ROR2: variants seen among roughly 807,000 people sequenced by gnomAD.
The protein encoded by ROR2 is ROR family WNT receptor 2.
In ROR2, 33 loss-of-function variants were observed where a neutral mutation model predicts 74.9. The ratio of observed to expected loss-of-function variants is 0.44; its 90% confidence interval spans 0.33 to 0.59. ROR2 has a LOEUF of 0.59. Among genes scored for constraint, ROR2 ranks in the 20% least tolerant of loss-of-function variants. ROR2 has a pLI of 0.02. For missense variants in ROR2, 1,216 were observed against 1,313.8 expected, an observed-to-expected ratio of 0.93 and a Z score of 1.15; for synonymous variants, 586 against 558.7, an observed-to-expected ratio of 1.05 and a Z score of -0.69.
chr9:91,950,184 C>G lies in ROR2; in HGVS notation c.-221G>C. 1 of 305,226 alleles carries G rather than the reference C, an allele frequency of 3.3e-6. No homozygotes were observed. The allele number at this position is 305,226 out of a possible 1,614,324, so 18.9% of individuals were successfully genotyped here. On this transcript the variant is annotated 5_prime_UTR_variant, in exon 1 of 9. Transcript: ENST00000375708. ...GGCTGGGGAGGTTCCTTGGCGCGGG[C>G]TGGGGCGTCCCGCCGGCCGCCAGGA...
intron 1 of ROR2, among the ~76,000 whole-genome samples, chr9:91,869,112 C>T (rs575483496): frequency 1.8e-4 from 27 of 152,184 alleles, no homozygotes; most frequent in Non-Finnish European, 3.2e-4. Flanking sequence ...GGCTGGAGTG[C>T]AGTGACACAA....
At chr9:91,843,302 A>G (rs570598025) in intron 1 of ROR2, among the ~76,000 whole-genome samples, 2 of 152,326 alleles carry the variant, frequency 1.3e-5, no homozygotes, top group East Asian at 3.9e-4. Context: ...GGAGCCCTAA[A>G]GTCAGTGGGG....
At chr9:91,830,358 G>A (rs1337943695) in intron 1 of ROR2, among the ~76,000 whole-genome samples, 1 of 152,200 alleles carries the variant, frequency 6.6e-6, no homozygotes, top group East Asian at 1.9e-4. Flanking sequence ...GTTAGTCCAA[G>A]CTACCCTAGA....
chr9:91,877,447 G>A (rs1829987470), intron 1 of ROR2, among the ~76,000 whole-genome samples: 1 of 152,166 alleles, frequency 6.6e-6, no homozygotes, highest in Non-Finnish European at 1.5e-5. Context: ...TCCCCAGTAA[G>A]GGGTCTTGCG....
chr9:91,849,768 G>A (rs759018390), intron 1 of ROR2, among the ~76,000 whole-genome samples: 1 of 152,196 alleles, frequency 6.6e-6, no homozygotes, highest in Non-Finnish European at 1.5e-5. Context: ...GATAGAACCA[G>A]TTAGTACTGT....
chr9:91,944,644 A>G (rs1435552660), intron 1 of ROR2, among the ~76,000 whole-genome samples: 1 of 152,252 alleles, frequency 6.6e-6, no homozygotes, highest in African/African-American at 2.4e-5. Context: ...ATACTCAGGA[A>G]TAGATTTAAC....
At chr9:91,741,314 T>C (rs1817529082) in intron 4 of ROR2, among the ~76,000 whole-genome samples, 1 of 127,836 alleles carries the variant, frequency 7.8e-6, no homozygotes, top group African/African-American at 3.0e-5. Flanking sequence ...GTAATAATAA[T>C]AATAATAATA....
At chr9:91,743,627 CAA>C (rs1825316747) in intron 4 of ROR2, among the ~76,000 whole-genome samples, 1 of 151,934 alleles carries the variant, frequency 6.6e-6, no homozygotes, top group Non-Finnish European at 1.5e-5. Context: ...GAGTATCTAA[CAA>C]GGACACCACA....
intron 4 of ROR2, among the ~76,000 whole-genome samples, chr9:91,746,563 C>T (rs992493358): frequency 1.2e-4 from 19 of 152,128 alleles, no homozygotes; most frequent in Non-Finnish European, 2.5e-4. Flanking sequence ...ACTTGGCGAG[C>T]GGTGCCTTCG....
chr9:91,904,912 CGCACACACA>C (rs1407099218), intron 1 of ROR2, among the ~76,000 whole-genome samples: 20 of 152,098 alleles, frequency 1.3e-4, no homozygotes, highest in Non-Finnish European at 1.9e-4. Flanking sequence ...CACACGTGTG[CGCACACACA>C]CCACACACAC....
chr9:91,764,607 C>G (rs1397736398), intron 2 of ROR2, among the ~76,000 whole-genome samples: 1 of 151,302 alleles, frequency 6.6e-6, no homozygotes, highest in Non-Finnish European at 1.5e-5. Context: ...TGAACTGCTT[C>G]CTACTGCTTA....
chr9:91,808,596 C>T (rs1827640644), intron 1 of ROR2, among the ~76,000 whole-genome samples: 1 of 151,644 alleles, frequency 6.6e-6, no homozygotes, highest in South Asian at 2.1e-4. Context: ...TGCACTCCAG[C>T]CTGGTGACAG....
intron 1 of ROR2, among the ~76,000 whole-genome samples, chr9:91,819,537 GTCTT>G (rs1216680282): frequency 6.6e-6 from 1 of 151,314 alleles, no homozygotes; most frequent in Non-Finnish European, 1.5e-5. Context: ...TTGTGTGTCT[GTCTT>G]TGAGTGTGTA....
At position 91,854,802 on chromosome 9, in the gene ROR2, G is replaced by A. The variant is rs541110615; in HGVS notation, c.98-78984C>T. Among the ~76,000 whole-genome samples, 140 of 152,306 alleles carry A rather than the reference G, an allele frequency of 9.2e-4. 1 individual carries two copies. The highest frequency in any genetic ancestry group is 3.2e-3 in the African/African-American group (135 of 41,568). ...ATAAGACCTCACTGCTTTGCCTCTC[G>A]TTAGAGGTAAGGTTTGAATGGTAGA... On this transcript the variant is annotated intron_variant, in intron 1 of 8. Coordinates refer to ENST00000375708, the MANE Select transcript of ROR2 (RefSeq NM_004560.4).
intron 6 of ROR2, among the ~76,000 whole-genome samples, chr9:91,731,634 T>C (rs945336229): frequency 2.0e-5 from 3 of 152,192 alleles, no homozygotes; most frequent in African/African-American, 7.2e-5. Context: ...GTTTACCATG[T>C]GTGGGGCGCT....
intron 1 of ROR2, among the ~76,000 whole-genome samples, chr9:91,854,677 T>C (rs1829221252): frequency 6.6e-6 from 1 of 152,216 alleles, no homozygotes; most frequent in Non-Finnish European, 1.5e-5. Flanking sequence ...GAGTCTCCGC[T>C]GCCTCTGAGA....
chr9:91,787,852 G>A (rs981402304), intron 1 of ROR2, among the ~76,000 whole-genome samples: 2 of 152,014 alleles, frequency 1.3e-5, no homozygotes, highest in African/African-American at 4.8e-5. Context: ...CCAAGATTTG[G>A]GACTTAACAG....
intron 2 of ROR2, among the ~76,000 whole-genome samples, chr9:91,763,150 C>A (rs1353251005): frequency 3.3e-5 from 5 of 152,104 alleles, no homozygotes; most frequent in Non-Finnish European, 7.4e-5. Context: ...AAGAAGGGAA[C>A]AACAGACACC....
chr9:91,838,154 T>C (rs575359312), intron 1 of ROR2, among the ~76,000 whole-genome samples: 1 of 152,332 alleles, frequency 6.6e-6, no homozygotes, highest in African/African-American at 2.4e-5. Flanking sequence ...TGTGTAATTC[T>C]CCCTCTGGAT....
Sources: allele counts gnomAD v4.1 joint callset (sites outside exome capture counted in the v4.1 genomes callset), GRCh38; gene constraint gnomAD v4.1.1; transcripts MANE v1.5; gene names NCBI Gene and HGNC (gene_info 2026-07-23, HGNC 2026-07-21).